Variants in SLC30A8 observed in about 807,000 individuals in gnomAD.
The protein encoded by SLC30A8 is proton-coupled zinc antiporter SLC30A8.
Under a neutral mutation model 36.9 loss-of-function variants are expected in SLC30A8, and 27 were observed. The ratio of observed to expected loss-of-function variants is 0.73; its 90% confidence interval spans 0.54 to 1.01. The LOEUF (loss-of-function observed/expected upper bound fraction) is 1.01, where lower values mean the gene tolerates loss of function less well. Ranked by LOEUF, SLC30A8 falls within the 50% of genes least tolerant of loss-of-function variation. SLC30A8 has a pLI of 0.00. For missense variants in SLC30A8, 439 were observed against 452.0 expected, an observed-to-expected ratio of 0.97 and a Z score of 0.26; for synonymous variants, 164 against 172.4, an observed-to-expected ratio of 0.95 and a Z score of 0.38.
At chr8:116,951,020 A>T (rs1479505323) in exon 1 of SLC30A8, 1 of 152,170 alleles carries the variant, frequency 6.6e-6, no homozygotes, top group Non-Finnish European at 1.5e-5. Flanking sequence ...TCTTCCCAGG[A>T]TGTCTCTCTC....
At chr8:116,975,227 GTAA>G (rs1814950168) in intron 1 of SLC30A8, among the ~76,000 whole-genome samples, 1 of 152,116 alleles carries the variant, frequency 6.6e-6, no homozygotes, top group African/African-American at 2.4e-5. Context: ...ATAGGGAATA[GTAA>G]TAATGGAGCA....
intron 1 of SLC30A8, among the ~76,000 whole-genome samples, chr8:116,989,655 G>T (rs1586367477): frequency 6.6e-6 from 1 of 152,158 alleles, no homozygotes; most frequent in Non-Finnish European, 1.5e-5. Flanking sequence ...AAAAATGATG[G>T]TGAATGTGGA....
intron 2 of SLC30A8, among the ~76,000 whole-genome samples, chr8:117,076,770 ATTT>A (rs34202690): frequency 1.2e-4 from 17 of 146,364 alleles, no homozygotes; most frequent in Non-Finnish European, 2.4e-4. Context: ...TCAAATAGTC[ATTT>A]TTTTTTTTTG....
chr8:117,094,658 C>T (rs1483300037), intron 2 of SLC30A8, among the ~76,000 whole-genome samples: 1 of 152,156 alleles, frequency 6.6e-6, no homozygotes, highest in African/African-American at 2.4e-5. Context: ...GTTCCCACTC[C>T]TGTTTGTGGG....
At chr8:116,989,228 A>C (rs1199551878) in intron 1 of SLC30A8, among the ~76,000 whole-genome samples, 1 of 152,210 alleles carries the variant, frequency 6.6e-6, no homozygotes, top group Non-Finnish European at 1.5e-5. Flanking sequence ...CTGAAGAAGA[A>C]GGGCAAATTT....
intron 1 of SLC30A8, among the ~76,000 whole-genome samples, chr8:116,970,852 T>C (rs1814770213): frequency 6.6e-6 from 1 of 152,178 alleles, no homozygotes; most frequent in South Asian, 2.1e-4. Flanking sequence ...CCTAGCACTT[T>C]GGGAGGCCGA....
intron 2 of SLC30A8, among the ~76,000 whole-genome samples, chr8:117,098,495 A>G (rs904865743): frequency 6.6e-6 from 1 of 152,164 alleles, no homozygotes; most frequent in Non-Finnish European, 1.5e-5. Flanking sequence ...CTATCCACGG[A>G]TGCGTGTCTG....
chr8:116,971,816 G>A (rs28437094), intron 1 of SLC30A8, among the ~76,000 whole-genome samples: 2,234 of 152,242 alleles, frequency 0.015, 61 homozygotes, highest in African/African-American at 0.051. Context: ...ATGCCTCACC[G>A]TCATAATGAT....
At chr8:117,000,735 T>C (rs972883339) in intron 1 of SLC30A8, among the ~76,000 whole-genome samples, 1 of 152,222 alleles carries the variant, frequency 6.6e-6, no homozygotes, top group African/African-American at 2.4e-5. Flanking sequence ...AGTGGTTTAA[T>C]AGTAGAATGG....
intron 2 of SLC30A8, among the ~76,000 whole-genome samples, chr8:117,111,931 T>A (rs1393111542): frequency 1.3e-5 from 2 of 152,092 alleles, no homozygotes; most frequent in Non-Finnish European, 2.9e-5. Flanking sequence ...TCTGGAAATG[T>A]CTAGAAAACA....
At chr8:117,044,049 G>A (rs73314042) in intron 2 of SLC30A8, among the ~76,000 whole-genome samples, 1,770 of 152,274 alleles carry the variant, frequency 0.012, 35 homozygotes, top group African/African-American at 0.039. Context: ...TGATGGAAGC[G>A]TAGGATGTGA....
intron 1 of SLC30A8, among the ~76,000 whole-genome samples, chr8:116,974,251 C>T (rs1274990479): frequency 1.3e-5 from 2 of 152,158 alleles, no homozygotes; most frequent in Non-Finnish European, 2.9e-5. Context: ...AGTGAACAGG[C>T]AACCTACAGA....
At chr8:117,007,685 A>G (rs1346454137) in intron 1 of SLC30A8, among the ~76,000 whole-genome samples, 1 of 152,164 alleles carries the variant, frequency 6.6e-6, no homozygotes, top group Non-Finnish European at 1.5e-5. Context: ...CCTCACAACA[A>G]CTCTGCTGGA....
chr8:116,981,882 G>C (rs750896122), intron 1 of SLC30A8, among the ~76,000 whole-genome samples: 1 of 152,150 alleles, frequency 6.6e-6, no homozygotes, highest in African/African-American at 2.4e-5. Context: ...GAACATATGT[G>C]TGCATGTGTC....
At chr8:117,048,429 C>T (rs1000236603) in intron 2 of SLC30A8, among the ~76,000 whole-genome samples, 1 of 152,108 alleles carries the variant, frequency 6.6e-6, no homozygotes, top group African/African-American at 2.4e-5. Context: ...TCTTATACTC[C>T]CCTCGTATAT....
At chr8:117,120,146 G>A (rs1003972142) in intron 2 of SLC30A8, among the ~76,000 whole-genome samples, 1 of 151,802 alleles carries the variant, frequency 6.6e-6, no homozygotes, top group Admixed American at 6.6e-5. Context: ...AAACACAAAT[G>A]ACACAAAATA....
chr8:117,092,995 G>A (rs1819196066), intron 2 of SLC30A8, among the ~76,000 whole-genome samples: 1 of 152,140 alleles, frequency 6.6e-6, no homozygotes, highest in African/African-American at 2.4e-5. Flanking sequence ...AAGGATCTAA[G>A]ATGTGGGCTA....
At chr8:117,135,971 C>T (rs1381828639) in intron 1 of SLC30A8, among the ~76,000 whole-genome samples, 1 of 151,820 alleles carries the variant, frequency 6.6e-6, no homozygotes, top group Admixed American at 6.6e-5. Flanking sequence ...ATTGATTGAA[C>T]ACACCTGTAG....
chr8:117,076,969 T>C (rs1209516469), intron 2 of SLC30A8, among the ~76,000 whole-genome samples: 1 of 152,224 alleles, frequency 6.6e-6, no homozygotes, highest in East Asian at 1.9e-4. Context: ...TGACTCTTGG[T>C]AGGGTATGTT....
Sources: allele counts gnomAD v4.1 joint callset (sites outside exome capture counted in the v4.1 genomes callset), GRCh38; gene constraint gnomAD v4.1.1; transcripts MANE v1.5; gene names NCBI Gene and HGNC (gene_info 2026-07-23, HGNC 2026-07-21).